ACAA2: variants seen among roughly 807,000 people sequenced by gnomAD.
ACAA2 encodes acetyl-CoA acyltransferase 2.
Under a neutral mutation model 44.8 loss-of-function variants are expected in ACAA2, and 35 were observed. That is an observed-to-expected ratio of 0.78 (90% CI 0.60 to 1.04). The LOEUF is 1.04. Ranked by LOEUF, ACAA2 falls within the 50% of genes least tolerant of loss-of-function variation. The pLI, the probability that ACAA2 is intolerant of heterozygous loss-of-function variation, is 0.00. For synonymous variants in ACAA2, 142 were observed against 166.5 expected (o/e 0.85, Z 1.13); for missense variants, 468 against 482.6 (o/e 0.97, Z 0.28).
chr18:49,791,355 A>G (rs556383252), intron 7 of ACAA2, 115 bp downstream of exon 7: 9 of 940,150 alleles, frequency 9.6e-6, no homozygotes, highest in African/African-American at 8.3e-5. Context: ...CTGATTACCA[A>G]TCTTCTTTTC....
chr18:49,799,646 G>C (rs575569878), intron 2 of ACAA2, among the ~76,000 whole-genome samples: 1 of 151,940 alleles, frequency 6.6e-6, no homozygotes, highest in Admixed American at 6.5e-5. Flanking sequence ...CCCCGTCTGG[G>C]AAGTGAGGAG....
At chr18:49,784,323 G>A (rs1169493641) in intron 9 of ACAA2, among the ~76,000 whole-genome samples, 4 of 152,108 alleles carry the variant, frequency 2.6e-5, no homozygotes, top group Non-Finnish European at 5.9e-5. Context: ...AAGCTCCTTT[G>A]ATTTATATAT....
chr18:49,806,789 A>G (rs1388868646), intron 1 of ACAA2, among the ~76,000 whole-genome samples: 1 of 152,234 alleles, frequency 6.6e-6, no homozygotes, highest in Non-Finnish European at 1.5e-5. Context: ...AAAGAAATAC[A>G]TACTATAAAA....
chr18:49,786,154 T>TCAAGA (rs2023326570), intron 8 of ACAA2: 1 of 152,180 alleles, frequency 6.6e-6, no homozygotes, highest in Non-Finnish European at 1.5e-5. Context: ...CCTACTATAC[T>TCAAGA]TTGTGGTCTC....
rs2023334952 is a variant in ACAA2 at position 49,786,790 on chromosome 18, A to G, written c.954+501T>C. Among the ~76,000 whole-genome samples the G allele has an allele frequency of 2.6e-5, 4 of 152,216 alleles. No homozygotes were observed. The South Asian group carries it at 8.3e-4, about 32-fold the overall frequency. ...AAAAAGAAATCACTCAATAAATTTAAGTTCCAGTGTCAAAAATTATGATAG... is the reference window on the plus strand; with the variant it reads ...AAAAAGAAATCACTCAATAAATTTAGGTTCCAGTGTCAAAAATTATGATAG... On this transcript the variant is annotated intron_variant, in intron 8 of 9. Coordinates refer to ENST00000285093, the MANE Select transcript of ACAA2 (RefSeq NM_006111.3).
chr18:49,787,386 TAAAA>T, intron 7 of ACAA2, 25 bp from the exon 8 acceptor site: 2 of 1,341,098 alleles, frequency 1.5e-6, no homozygotes, highest in Non-Finnish European at 1.9e-6. Flanking sequence ...AAATCTTCTA[TAAAA>T]ATATAGAAAT....
chr18:49,790,953 T>A (rs2023391145), intron 7 of ACAA2, among the ~76,000 whole-genome samples: 1 of 152,232 alleles, frequency 6.6e-6, no homozygotes, highest in Non-Finnish European at 1.5e-5. Flanking sequence ...TGTCACTTAC[T>A]GATTTGGAAC....
chr18:49,787,122 A>ATC (rs1159954263), intron 8 of ACAA2, among the ~76,000 whole-genome samples, 169 bp downstream of exon 8: 1 of 152,136 alleles, frequency 6.6e-6, no homozygotes. Flanking sequence ...GAAAAGTATC[A>ATC]ACACAAGGCA....
At chr18:49,785,667 G>T in intron 8 of ACAA2, 1 of 313,762 alleles carries the variant, frequency 3.2e-6, no homozygotes, top group Non-Finnish European at 5.9e-6. Context: ...TTCAAATATT[G>T]GCTATACCAT....
At position 49,789,977 on chromosome 18, in the gene ACAA2, G is replaced by A. The variant is rs544942466; in HGVS notation, c.883+1493C>T. On this transcript the variant is annotated intron_variant, in intron 7 of 9. Transcript: ENST00000285093. ...AAAAACAAAAAACAAAACCAACTCT[G>A]CTCTTGGGCTCCACTCTGGACTTAC... 4.6e-5 allele frequency among the ~76,000 whole-genome samples: 7 copies of A among 152,250 alleles called. No homozygotes were observed. The South Asian group carries it at 1.0e-3, about 23-fold the overall frequency.
rs560642775 is a variant in ACAA2, at chr18:49,809,619, G to T, written c.16+3850C>A. Among the ~76,000 whole-genome samples the T allele has an allele frequency of 2.0e-5, 3 of 152,322 alleles. No homozygotes were observed. In the East Asian group the frequency reaches 5.8e-4, roughly 29 times the overall value. ...GCATGTCGCTAAGTGAAAGAAGCCA[G>T]TCTGGAAAGGCCATATACTGTATGA... is the stretch of plus-strand genomic sequence containing the variant. On this transcript the variant is annotated intron_variant, in intron 1 of 9. Transcript: ENST00000285093.
At chr18:49,793,085 T>C (rs2023424734) in intron 5 of ACAA2, among the ~76,000 whole-genome samples, 2 of 152,156 alleles carry the variant, frequency 1.3e-5, no homozygotes, top group South Asian at 4.1e-4. Flanking sequence ...CTTCTTTTGG[T>C]GAGATAAGCA....
At chr18:49,802,915 G>C (rs567242280) in intron 1 of ACAA2, 62 bp from the exon 2 acceptor site, 2 of 1,545,306 alleles carry the variant, frequency 1.3e-6, no homozygotes, top group Non-Finnish European at 1.8e-6. Flanking sequence ...TAAATGCTTC[G>C]AATAATCTCA....
Position 49,787,279 on chromosome 18 carries a change from A to AAAC in ACAA2, c.954+11_954+12insGTT. The AAAC allele has an allele frequency of 2.0e-6, 3 of 1,466,118 alleles. No individual in the cohort carries two copies. The highest frequency in any genetic ancestry group is 9.0e-7 in the Non-Finnish European group (1 of 1,116,456). The allele number at this position is 1,466,118 out of a possible 1,614,324, so 90.8% of individuals were successfully genotyped here. A position where few individuals can be genotyped will look rare whatever the true frequency, so the allele number is the denominator to read the frequency against. On this transcript the variant is annotated intron_variant, in intron 8 of 9. Coordinates refer to ENST00000285093, the MANE Select transcript of ACAA2 (RefSeq NM_006111.3). ...TGTTGTTAAAAAAAAAAAAAAAAAA[A>AAAC]AAAACACTTACCTCTACCAAATCCA... is the stretch of plus-strand genomic sequence containing the variant.
At chr18:49,789,103 G>T (rs1286189215) in intron 7 of ACAA2, among the ~76,000 whole-genome samples, 2 of 152,176 alleles carry the variant, frequency 1.3e-5, no homozygotes, top group Non-Finnish European at 2.9e-5. Context: ...CCACCCCTGA[G>T]GAGTTCCAGG....
chr18:49,800,890 T>TTA (rs34759625), intron 2 of ACAA2, among the ~76,000 whole-genome samples: 7 of 121,126 alleles, frequency 5.8e-5, no homozygotes, highest in African/African-American at 1.2e-4. Context: ...GAATGATCAA[T>TTA]AAAAAAAAAA....
intron 7 of ACAA2, among the ~76,000 whole-genome samples, chr18:49,791,064 G>A (rs1210378737): frequency 6.6e-6 from 1 of 152,182 alleles, no homozygotes; most frequent in Non-Finnish European, 1.5e-5. Flanking sequence ...CAACCAGCAA[G>A]GAGCTGCGAT....
chr18:49,795,849 T>C lies in ACAA2; in HGVS notation c.345A>G (p.Leu115=), dbSNP rs1267710930. The C allele has an allele frequency of 1.2e-6, 2 of 1,612,080 alleles. No homozygotes were observed. The highest frequency in any genetic ancestry group is 2.7e-5 in the African/African-American group (2 of 74,856). The stretch of plus-strand genomic sequence containing the variant: ...GGCTCATGCTTTCGGTTCCTCCACA[T>C]AAAACAACTTCAGCTTCTTTAACAC... ...EICVKEAEVV[L]CGGTESMSQA... Residue 115 remains leucine, a synonymous_variant, in exon 4 of 10, where the codon TTA becomes TTG. Coordinates refer to ENST00000285093, the MANE Select transcript of ACAA2 (RefSeq NM_006111.3).
At chr18:49,803,912 T>C (rs1483596255) in intron 1 of ACAA2, among the ~76,000 whole-genome samples, 1 of 150,034 alleles carries the variant, frequency 6.7e-6, no homozygotes, top group Non-Finnish European at 1.5e-5. Flanking sequence ...ATATTGCTTT[T>C]TTTTTTTTTT....
Sources: allele counts gnomAD v4.1 joint callset (sites outside exome capture counted in the v4.1 genomes callset), GRCh38; gene constraint gnomAD v4.1.1; transcripts MANE v1.5; gene names NCBI Gene and HGNC (gene_info 2026-07-23, HGNC 2026-07-21).